Variants in LRMDA observed in about 807,000 individuals in gnomAD.
LRMDA encodes leucine rich melanocyte differentiation associated.
In LRMDA, 18 loss-of-function variants were observed where a neutral mutation model predicts 29.8. The ratio of observed to expected loss-of-function variants is 0.60; its 90% CI spans 0.42 to 0.90. The LOEUF (loss-of-function observed/expected upper bound fraction) is 0.90. Ranked by LOEUF, LRMDA falls within the 40% of genes least tolerant of loss-of-function variation. The pLI is 0.00. For missense variants in LRMDA, 273 were observed against 273.9 expected (o/e 1.00, Z 0.02); for synonymous variants, 125 against 109.4 (o/e 1.14, Z -0.89).
At chr10:75,447,360 T>C (rs1844407418) in intron 2 of LRMDA, among the ~76,000 whole-genome samples, 1 of 152,062 alleles carries the variant, frequency 6.6e-6, no homozygotes. Flanking sequence ...ACCCCATCTC[T>C]ACTAAAAACA....
intron 6 of LRMDA, among the ~76,000 whole-genome samples, chr10:76,482,489 A>C (rs1004934725): frequency 6.6e-6 from 1 of 151,970 alleles, no homozygotes; most frequent in African/African-American, 2.4e-5. Context: ...AATTATGTTT[A>C]TAAAATTCAT....
chr10:76,383,211 G>C (rs938589264), intron 6 of LRMDA, among the ~76,000 whole-genome samples: 1 of 152,082 alleles, frequency 6.6e-6, no homozygotes, highest in Non-Finnish European at 1.5e-5. Context: ...AGCCTTGGGT[G>C]CTGGGCTCAT....
chr10:76,092,680 T>TTGCAAATTA (rs1418952496), intron 5 of LRMDA, among the ~76,000 whole-genome samples: 2 of 152,214 alleles, frequency 1.3e-5, no homozygotes, highest in African/African-American at 2.4e-5. Context: ...TACTGTATCT[T>TTGCAAATTA]TGCAAAGTTG....
At chr10:75,900,486 T>G (rs1036030278) in intron 2 of LRMDA, among the ~76,000 whole-genome samples, 1 of 152,222 alleles carries the variant, frequency 6.6e-6, no homozygotes, top group Non-Finnish European at 1.5e-5. Context: ...TAAAATAAAT[T>G]GCAGACCATT....
At chr10:76,101,261 C>T (rs1849390079) in intron 5 of LRMDA, among the ~76,000 whole-genome samples, 1 of 152,120 alleles carries the variant, frequency 6.6e-6, no homozygotes, top group African/African-American at 2.4e-5. Flanking sequence ...CCTTTATGAA[C>T]TGATTTATAT....
At chr10:76,505,932 C>G (rs2132347081) in intron 6 of LRMDA, among the ~76,000 whole-genome samples, 1 of 152,194 alleles carries the variant, frequency 6.6e-6, no homozygotes, top group East Asian at 1.9e-4. Flanking sequence ...AATCAATTGG[C>G]TTTGTTTCTG....
At chr10:76,086,384 T>C (rs1364147768) in intron 5 of LRMDA, among the ~76,000 whole-genome samples, 1 of 148,202 alleles carries the variant, frequency 6.7e-6, no homozygotes, top group Non-Finnish European at 1.5e-5. Context: ...TGTCAGAAGC[T>C]GTTTGCAAGG....
chr10:76,059,348 C>CTT (rs1848668041), intron 5 of LRMDA, among the ~76,000 whole-genome samples: 1 of 152,208 alleles, frequency 6.6e-6, no homozygotes, highest in African/African-American at 2.4e-5. Context: ...CTGACCTTTC[C>CTT]TTTACCAGCT....
At chr10:76,084,307 C>T (rs1849097892) in intron 5 of LRMDA, among the ~76,000 whole-genome samples, 1 of 151,332 alleles carries the variant, frequency 6.6e-6, no homozygotes, top group Non-Finnish European at 1.5e-5. Context: ...AAGCAATTCT[C>T]CTGCCTCAGC....
intron 2 of LRMDA, among the ~76,000 whole-genome samples, chr10:75,829,035 C>T (rs763845537): frequency 5.3e-5 from 8 of 152,132 alleles, no homozygotes; most frequent in Non-Finnish European, 1.0e-4. Flanking sequence ...ATTTAGAAAA[C>T]AAGTGTTATC....
chr10:76,006,936 T>G (rs1847673015), intron 2 of LRMDA, among the ~76,000 whole-genome samples: 3 of 151,112 alleles, frequency 2.0e-5, no homozygotes, highest in Admixed American at 6.6e-5. Context: ...GGCAAAGCAC[T>G]TCTGCAATGC....
chr10:75,933,958 A>C (rs539807261), intron 2 of LRMDA, among the ~76,000 whole-genome samples: 3 of 152,332 alleles, frequency 2.0e-5, no homozygotes, highest in African/African-American at 7.2e-5. Context: ...TGTAAACAGC[A>C]TCCCTAAGAA....
At chr10:75,572,816 G>A (rs879636320) in intron 2 of LRMDA, among the ~76,000 whole-genome samples, 1 of 152,116 alleles carries the variant, frequency 6.6e-6, no homozygotes, top group Non-Finnish European at 1.5e-5. Flanking sequence ...AGGCCATAAC[G>A]GTGGAGCCCT....
At chr10:76,243,156 G>A (rs1852309181) in intron 5 of LRMDA, among the ~76,000 whole-genome samples, 1 of 152,198 alleles carries the variant, frequency 6.6e-6, no homozygotes, top group Admixed American at 6.5e-5. Context: ...ATCACGACAA[G>A]CCTCGGAGTG....
At chr10:76,308,336 G>A (rs939170291) in intron 5 of LRMDA, among the ~76,000 whole-genome samples, 4 of 152,134 alleles carry the variant, frequency 2.6e-5, no homozygotes, top group Admixed American at 6.5e-5. Flanking sequence ...TCATAGCAGC[G>A]ATCTCACAAG....
intron 5 of LRMDA, among the ~76,000 whole-genome samples, chr10:76,294,663 C>A (rs543155168): frequency 6.6e-6 from 1 of 152,326 alleles, no homozygotes; most frequent in South Asian, 2.1e-4. Context: ...CAAGCTAAAA[C>A]ACTGCCTGAC....
intron 2 of LRMDA, among the ~76,000 whole-genome samples, chr10:75,869,063 G>A (rs985003376): frequency 5.3e-5 from 8 of 152,214 alleles, no homozygotes; most frequent in Non-Finnish European, 1.0e-4. Flanking sequence ...AATGGGAGAA[G>A]GATTCAGATA....
chr10:76,282,335 G>T (rs139528357), intron 5 of LRMDA, among the ~76,000 whole-genome samples: 325 of 152,242 alleles, frequency 2.1e-3, no homozygotes, highest in Admixed American at 3.7e-3. Context: ...TAATTTGCTC[G>T]AAATAGATGC....
intron 2 of LRMDA, among the ~76,000 whole-genome samples, chr10:75,530,615 C>G (rs1340757385): frequency 3.3e-5 from 5 of 152,186 alleles, no homozygotes; most frequent in Admixed American, 2.6e-4. Context: ...AATCCTTCCT[C>G]ATAAATCAGC....
Sources: gnomAD v4.1 joint callset for allele counts (sites outside exome capture counted in the v4.1 genomes callset) on GRCh38, gnomAD v4.1.1 for gene constraint, MANE v1.5 for transcripts, NCBI Gene and HGNC (gene_info 2026-07-23, HGNC 2026-07-21) for gene names.